FHOD3: variants seen among roughly 807,000 people sequenced by gnomAD.
The protein encoded by FHOD3 is FH1/FH2 domain-containing protein 3.
In FHOD3, 90 loss-of-function variants were observed where a neutral mutation model predicts 173.0. The observed-to-expected ratio is 0.52, with a 90% CI of 0.44 to 0.62. FHOD3 has a LOEUF of 0.62. Among genes scored for constraint, FHOD3 ranks in the 20% least tolerant of loss-of-function variants. FHOD3 has a pLI of 0.00. For synonymous variants in FHOD3, 828 were observed against 823.0 expected, an observed-to-expected ratio of 1.01 and a Z score of -0.10; for missense variants, 1,945 against 2,034.7, an observed-to-expected ratio of 0.96 and a Z score of 0.85.
intron 17 of FHOD3, among the ~76,000 whole-genome samples, chr18:36,707,803 G>A (rs952098957): frequency 3.3e-5 from 5 of 152,150 alleles, no homozygotes; most frequent in Non-Finnish European, 7.4e-5. Context: ...AATCTGGGCA[G>A]GTCCCTTCCA....
chr18:36,439,565 G>GTGTGTGTA (rs1555705341), intron 3 of FHOD3, among the ~76,000 whole-genome samples: 2 of 112,096 alleles, frequency 1.8e-5, no homozygotes, highest in African/African-American at 6.5e-5. Flanking sequence ...GTGTGTGTGT[G>GTGTGTGTA]TGTATGTATG....
chr18:36,611,953 C>T lies in FHOD3; in HGVS notation c.815C>T (p.Thr272Met), dbSNP rs772478823. Residue 272 changes from threonine (T) to methionine (M), a missense_variant and splice_region_variant, in exon 9 of 29, where the codon ACG becomes ATG. Thr to Met is a moderately conservative substitution (Grantham distance 81). Coordinates refer to ENST00000590592, the MANE Select transcript of FHOD3 (RefSeq NM_001281740.3). ...LVYAMTLVNK[T>M]LSGLPDQDTF... ...TAGCTGGTTCTTCTCTTCTTCCAGA[C>T]GTTATCAGGACTACCAGACCAAGAC... 55 of 1,613,050 alleles carry T rather than the reference C, an allele frequency of 3.4e-5. No individual in the cohort carries two copies. Among genetic ancestry groups the T allele is most frequent in the Middle Eastern group, 1.7e-4 (1 of 6,054 alleles).
At chr18:36,770,725 G>A (rs139560883) in intron 28 of FHOD3, among the ~76,000 whole-genome samples, 1 of 152,114 alleles carries the variant, frequency 6.6e-6, no homozygotes, top group Non-Finnish European at 1.5e-5. Context: ...CTTGAGCTGT[G>A]GTTCTCAACC....
chr18:36,764,759 T>TC (rs1232515131), intron 27 of FHOD3, among the ~76,000 whole-genome samples: 1 of 152,182 alleles, frequency 6.6e-6, no homozygotes, highest in East Asian at 1.9e-4. Context: ...TTAATGCCAA[T>TC]CTCAAGGGAG....
chr18:36,565,871 T>C (rs1168694038), intron 5 of FHOD3, among the ~76,000 whole-genome samples: 1 of 152,138 alleles, frequency 6.6e-6, no homozygotes, highest in Admixed American at 6.6e-5. Flanking sequence ...GGACACTTGG[T>C]TTTTGAAACC....
chr18:36,616,944 G>A (rs2033256076), intron 9 of FHOD3, among the ~76,000 whole-genome samples: 1 of 152,140 alleles, frequency 6.6e-6, no homozygotes, highest in African/African-American at 2.4e-5. Flanking sequence ...ATTCAGATGT[G>A]TGCTTTCTGA....
intron 7 of FHOD3, among the ~76,000 whole-genome samples, chr18:36,597,477 A>T (rs892729157): frequency 1.3e-5 from 2 of 152,120 alleles, no homozygotes; most frequent in African/African-American, 4.8e-5. Context: ...CCCAGGCTAG[A>T]GTGCAGTGTC....
intron 14 of FHOD3, among the ~76,000 whole-genome samples, chr18:36,664,901 C>T (rs1415146107): frequency 6.6e-6 from 1 of 151,534 alleles, no homozygotes; most frequent in Non-Finnish European, 1.5e-5. Flanking sequence ...CTTTGGGAGG[C>T]TGAGGTGGAA....
chr18:36,770,213 G>A (rs1457953433), intron 28 of FHOD3, among the ~76,000 whole-genome samples: 3 of 152,238 alleles, frequency 2.0e-5, no homozygotes, highest in Non-Finnish European at 4.4e-5. Context: ...GGCTGCTTTA[G>A]TCTCCACTGG....
chr18:36,451,654 T>C (rs1175508413), intron 3 of FHOD3, among the ~76,000 whole-genome samples: 1 of 152,176 alleles, frequency 6.6e-6, no homozygotes, highest in Non-Finnish European at 1.5e-5. Flanking sequence ...ACCCGCAGTA[T>C]TCAGAAGGGC....
At chr18:36,394,427 A>C (rs941030962) in intron 3 of FHOD3, among the ~76,000 whole-genome samples, 1 of 152,168 alleles carries the variant, frequency 6.6e-6, no homozygotes, top group African/African-American at 2.4e-5. Flanking sequence ...AGCCAAGAGG[A>C]AAGAGCGGTA....
chr18:36,668,530 C>T (rs2037330333), intron 14 of FHOD3, among the ~76,000 whole-genome samples: 1 of 151,846 alleles, frequency 6.6e-6, no homozygotes, highest in Non-Finnish European at 1.5e-5. Flanking sequence ...TGCTTCTGCT[C>T]ACTTTGTGTA....
intron 3 of FHOD3, among the ~76,000 whole-genome samples, chr18:36,495,112 T>TC (rs2054674211): frequency 6.9e-6 from 1 of 145,686 alleles, no homozygotes; most frequent in Non-Finnish European, 1.5e-5. Context: ...AATTTTTGTA[T>TC]TTTTTTTTTG....
At chr18:36,514,260 C>T (rs1343846732) in intron 5 of FHOD3, among the ~76,000 whole-genome samples, 2 of 152,078 alleles carry the variant, frequency 1.3e-5, no homozygotes, top group Non-Finnish European at 2.9e-5. Flanking sequence ...CCGCCGGCCT[C>T]GGCCTCCCCA....
At chr18:36,684,737 G>A (rs982190219) in intron 15 of FHOD3, among the ~76,000 whole-genome samples, 2 of 152,186 alleles carry the variant, frequency 1.3e-5, no homozygotes, top group African/African-American at 4.8e-5. Context: ...ACATCAAAAT[G>A]TCTAGCATTC....
intron 4 of FHOD3, among the ~76,000 whole-genome samples, chr18:36,506,485 AATG>A (rs894881610): frequency 5.3e-5 from 8 of 152,342 alleles, no homozygotes; most frequent in African/African-American, 1.9e-4. Flanking sequence ...GTGAGAAGAA[AATG>A]ATGTCTGACC....
At chr18:36,651,423 T>G (rs901332813) in intron 11 of FHOD3, among the ~76,000 whole-genome samples, 8 of 152,202 alleles carry the variant, frequency 5.3e-5, no homozygotes, top group Non-Finnish European at 1.2e-4. Context: ...GGAAAGCTCT[T>G]TTTATAGTTT....
At chr18:36,465,258 G>A (rs544156265) in intron 3 of FHOD3, among the ~76,000 whole-genome samples, 4 of 152,290 alleles carry the variant, frequency 2.6e-5, no homozygotes, top group African/African-American at 9.6e-5. Context: ...AACTCGGGAG[G>A]CGGAAGTTGC....
chr18:36,687,179 G>T lies in FHOD3; in HGVS notation c.2021+1G>T. The T allele has an allele frequency of 6.2e-7, 1 of 1,606,412 alleles. No individual in the cohort carries two copies. Among genetic ancestry groups the T allele is most frequent in the Non-Finnish European group, 8.5e-7 (1 of 1,174,006 alleles). On this transcript the variant is annotated splice_donor_variant, in intron 16 of 28. Coordinates refer to ENST00000590592, the MANE Select transcript of FHOD3 (RefSeq NM_001281740.3). LOFTEE classifies it high-confidence loss of function. ...AGCAAAGGCAAGCAAGAGAAGAAAG[G>T]TTTGTATATTTCTTCTTTCCCATTG...
Sources: allele counts gnomAD v4.1 joint callset (sites outside exome capture counted in the v4.1 genomes callset), GRCh38; gene constraint gnomAD v4.1.1; transcripts MANE v1.5; gene names NCBI Gene and HGNC (gene_info 2026-07-23, HGNC 2026-07-21).